Variants in ADGRL2 observed in about 807,000 individuals in gnomAD.
ADGRL2 encodes the protein adhesion G protein-coupled receptor L2.
Under a neutral mutation model 157.4 loss-of-function variants are expected in ADGRL2, and 44 were observed. The ratio of observed to expected loss-of-function variants is 0.28; its 90% CI spans 0.22 to 0.36. ADGRL2 has a LOEUF of 0.36. Ranked by LOEUF, ADGRL2 falls within the 10% of genes least tolerant of loss-of-function variation. The pLI, the probability that ADGRL2 is intolerant of heterozygous loss-of-function variation, is 1.00. For missense variants in ADGRL2, 1,510 were observed against 1,768.9 expected (o/e 0.85, Z 2.63); for synonymous variants, 585 against 624.7 (o/e 0.94, Z 0.95).
chr1:81,352,019 C>T (rs1299831619), intron 1 of ADGRL2, among the ~76,000 whole-genome samples: 1 of 152,200 alleles, frequency 6.6e-6, no homozygotes, highest in East Asian at 1.9e-4. Flanking sequence ...AGATGTTTTC[C>T]AAAGGTTTGT....
At chr1:81,310,725 G>T (rs1477789872) in intron 1 of ADGRL2, among the ~76,000 whole-genome samples, 2 of 152,156 alleles carry the variant, frequency 1.3e-5, no homozygotes, top group South Asian at 4.1e-4. Context: ...GTATGGGAAA[G>T]GTTGGGAATT....
chr1:81,748,970 A>T (rs1286895503), intron 1 of ADGRL2, among the ~76,000 whole-genome samples: 2 of 152,154 alleles, frequency 1.3e-5, no homozygotes, highest in African/African-American at 4.8e-5. Context: ...GCCCGGCCTC[A>T]TTCTTATTCT....
intron 1 of ADGRL2, among the ~76,000 whole-genome samples, chr1:81,332,907 A>G (rs1236710630): frequency 6.6e-6 from 1 of 152,174 alleles, no homozygotes; most frequent in Non-Finnish European, 1.5e-5. Context: ...TTCCCCTTGG[A>G]CAAAAATGTA....
intron 3 of ADGRL2, among the ~76,000 whole-genome samples, chr1:81,683,961 C>T (rs917722908): frequency 3.9e-5 from 6 of 151,948 alleles, no homozygotes; most frequent in African/African-American, 7.3e-5. Flanking sequence ...GGATTACAGG[C>T]GCACGCCACC....
intron 1 of ADGRL2, among the ~76,000 whole-genome samples, chr1:81,832,770 A>G (rs1379124063): frequency 1.3e-5 from 2 of 152,170 alleles, no homozygotes; most frequent in Admixed American, 6.5e-5. Context: ...ACCTCAAAGA[A>G]TGCTGAATGT....
chr1:81,776,450 G>A (rs1251567209), intron 2 of ADGRL2, among the ~76,000 whole-genome samples: 2 of 152,186 alleles, frequency 1.3e-5, no homozygotes, highest in Non-Finnish European at 2.9e-5. Context: ...GCCTCCCAAA[G>A]TGCTGGGATT....
chr1:81,371,410 G>T (rs1255411727), intron 1 of ADGRL2, among the ~76,000 whole-genome samples: 1 of 152,144 alleles, frequency 6.6e-6, no homozygotes, highest in South Asian at 2.1e-4. Flanking sequence ...CAATAAAAAA[G>T]ATGAGTTTGT....
intron 3 of ADGRL2, among the ~76,000 whole-genome samples, chr1:81,660,529 A>C (rs1427704327): frequency 1.3e-5 from 2 of 152,172 alleles, no homozygotes; most frequent in Non-Finnish European, 2.9e-5. Context: ...AGCCACATCC[A>C]CATTCAATCT....
chr1:81,577,082 C>G (rs991648263), intron 2 of ADGRL2, among the ~76,000 whole-genome samples: 1 of 152,190 alleles, frequency 6.6e-6, no homozygotes, highest in Non-Finnish European at 1.5e-5. Flanking sequence ...ATTACTGTCC[C>G]TATTAATTCT....
Position 81,990,514 on chromosome 1 carries a change from G to A in ADGRL2, c.3779G>A (p.Cys1260Tyr). The change falls in exon 24 of 24, where the codon TGT becomes TAT. Residue 1260 changes from cysteine (C) to tyrosine (Y), a missense_variant. By Grantham distance (194) the Cys-to-Tyr change is radical. Transcript: ENST00000686636. The part of the protein sequence containing the change: ...DYNDSVQVVD[C>Y]GLSLNDTAFE... ...AATGACAGCGTGCAAGTTGTGGACTGTGGACTAAGTCTGAATGATACTGCT... is the reference window on the plus strand; with the variant it reads ...AATGACAGCGTGCAAGTTGTGGACTATGGACTAAGTCTGAATGATACTGCT... 1 of 1,614,138 alleles carries A rather than the reference G, an allele frequency of 6.2e-7. No homozygotes were observed.
intron 2 of ADGRL2, among the ~76,000 whole-genome samples, chr1:81,850,133 T>G (rs1240538304): frequency 6.6e-6 from 1 of 151,992 alleles, no homozygotes; most frequent in Non-Finnish European, 1.5e-5. Context: ...TTACTGGTGC[T>G]GGAGCACAAT....
chr1:81,734,334 G>A (rs2084825586), intron 1 of ADGRL2, among the ~76,000 whole-genome samples: 1 of 151,382 alleles, frequency 6.6e-6, no homozygotes, highest in Non-Finnish European at 1.5e-5. Flanking sequence ...ATTTTATAAT[G>A]AAAGAAAAGA....
chr1:81,457,983 C>T (rs2077841251), intron 2 of ADGRL2, among the ~76,000 whole-genome samples: 1 of 152,196 alleles, frequency 6.6e-6, no homozygotes, highest in Non-Finnish European at 1.5e-5. Flanking sequence ...CAGATATTAA[C>T]TGCCATGTTT....
At chr1:81,730,848 TG>T (rs2084698286) in intron 1 of ADGRL2, among the ~76,000 whole-genome samples, 1 of 152,240 alleles carries the variant, frequency 6.6e-6, no homozygotes, top group African/African-American at 2.4e-5. Context: ...AGTTTTTTGT[TG>T]TTTCATTCTT....
intron 2 of ADGRL2, among the ~76,000 whole-genome samples, chr1:81,778,392 A>G (rs1236883994): frequency 6.6e-6 from 1 of 152,144 alleles, no homozygotes; most frequent in African/African-American, 2.4e-5. Flanking sequence ...ACATAAATAA[A>G]GTCCTTATTA....
chr1:81,500,956 T>G (rs936580995), intron 2 of ADGRL2, among the ~76,000 whole-genome samples: 7 of 152,178 alleles, frequency 4.6e-5, no homozygotes. Context: ...CTAATATAAA[T>G]GTAGAAACTT....
chr1:81,651,016 A>T (rs995931602), intron 3 of ADGRL2, among the ~76,000 whole-genome samples: 2 of 152,196 alleles, frequency 1.3e-5, no homozygotes, highest in Non-Finnish European at 2.9e-5. Context: ...CATAATTTAA[A>T]TGAGAGAGAT....
At chr1:81,903,842 CACACAT>C (rs1324794314) in intron 2 of ADGRL2, among the ~76,000 whole-genome samples, 7 of 148,172 alleles carry the variant, frequency 4.7e-5, no homozygotes, top group Non-Finnish European at 1.0e-4. Context: ...CACACACACA[CACACAT>C]ATTTGGTTGG....
At position 81,375,110 on chromosome 1, in the gene ADGRL2, C is replaced by A. The variant is rs563083499; in HGVS notation, c.-302+68601C>A. ...GCCCACAGAAATAGCAACACATCAT[C>A]CCTGTCTTCAGACAAATAAAAAGAT... On this transcript the variant is annotated intron_variant, in intron 1 of 24. Coordinates refer to the ADGRL2 transcript ENST00000370721. 5.3e-5 allele frequency among the ~76,000 whole-genome samples: 8 copies of A among 152,166 alleles called. No individual in the cohort carries two copies. In the South Asian group the frequency reaches 1.7e-3, roughly 31 times the overall value.
Sources: gnomAD v4.1 joint callset for allele counts (sites outside exome capture counted in the v4.1 genomes callset) on GRCh38, gnomAD v4.1.1 for gene constraint, MANE v1.5 for transcripts, NCBI Gene and HGNC (gene_info 2026-07-23, HGNC 2026-07-21) for gene names.